KCNK9: variants seen among roughly 807,000 people sequenced by gnomAD.
KCNK9 encodes the protein potassium two pore domain channel subfamily K member 9, also known as potassium channel subfamily K member 9.
KCNK9 carries 1 observed loss-of-function variant against 10.8 expected under a neutral mutation model. That is an observed-to-expected ratio of 0.09 (90% CI 0.03 to 0.44). The LOEUF is 0.44. KCNK9 is among the 20% of genes least tolerant of loss of function. The probability of loss-of-function intolerance (pLI) is 0.97; values close to 1 mark genes in which losing one functional copy is unlikely to be tolerated. For missense variants in KCNK9, 303 were observed against 515.0 expected (o/e 0.59, Z 3.98); for synonymous variants, 231 against 222.7 (o/e 1.04, Z -0.33).
intron 1 of KCNK9, among the ~76,000 whole-genome samples, chr8:139,640,792 G>A (rs955075860): frequency 2.6e-5 from 4 of 152,202 alleles, no homozygotes; most frequent in South Asian, 2.1e-4. Context: ...AGCATTTCTT[G>A]TTGCTGCGTC....
chr8:139,685,589 A>G (rs938181674), intron 1 of KCNK9, among the ~76,000 whole-genome samples: 4 of 152,198 alleles, frequency 2.6e-5, no homozygotes, highest in Non-Finnish European at 5.9e-5. Context: ...ATCTTCATCC[A>G]TGTCCCTGCA....
intron 1 of KCNK9, among the ~76,000 whole-genome samples, chr8:139,621,198 G>A (rs979487802): frequency 4.0e-4 from 61 of 152,026 alleles, no homozygotes; most frequent in African/African-American, 1.5e-3. Context: ...GGCTGAGGCA[G>A]GAGAATCACT....
chr8:139,654,104 T>C (rs944187143), intron 1 of KCNK9, among the ~76,000 whole-genome samples: 10 of 152,204 alleles, frequency 6.6e-5, no homozygotes, highest in Admixed American at 3.9e-4. Context: ...GCTTTCCAGT[T>C]AGGAAAAGGA....
chr8:139,649,518 C>T (rs992371836), intron 1 of KCNK9, among the ~76,000 whole-genome samples: 31 of 152,312 alleles, frequency 2.0e-4, no homozygotes, highest in Middle Eastern at 3.4e-3. Flanking sequence ...CTACTGTGGA[C>T]CTTACCACCC....
intron 1 of KCNK9, among the ~76,000 whole-genome samples, chr8:139,690,101 G>C (rs1816906600): frequency 6.6e-6 from 1 of 152,178 alleles, no homozygotes; most frequent in Non-Finnish European, 1.5e-5. Flanking sequence ...TGGATGATTT[G>C]TTACATACAC....
chr8:139,694,494 A>C (rs1474861831), intron 1 of KCNK9, among the ~76,000 whole-genome samples: 1 of 152,224 alleles, frequency 6.6e-6, no homozygotes, highest in Non-Finnish European at 1.5e-5. Flanking sequence ...GGGCACTGGC[A>C]TCCCAGGTCT....
intron 1 of KCNK9, among the ~76,000 whole-genome samples, chr8:139,632,351 G>A (rs1429554709): frequency 5.3e-5 from 8 of 152,310 alleles, no homozygotes; most frequent in East Asian, 3.9e-4. Flanking sequence ...CACTGATGAC[G>A]GAGTCAGCCC....
At chr8:139,622,016 T>G (rs1814798803) in intron 1 of KCNK9, among the ~76,000 whole-genome samples, 1 of 152,218 alleles carries the variant, frequency 6.6e-6, no homozygotes, top group Non-Finnish European at 1.5e-5. Context: ...ATAAGCAGTT[T>G]GCCTTCACGG....
intron 1 of KCNK9, among the ~76,000 whole-genome samples, chr8:139,686,298 A>C (rs559415494): frequency 6.6e-6 from 1 of 152,354 alleles, no homozygotes; most frequent in Admixed American, 6.5e-5. Flanking sequence ...CTGCACAGTA[A>C]AAGAAACTAT....
At chr8:139,679,459 G>C (rs1816636632) in intron 1 of KCNK9, among the ~76,000 whole-genome samples, 1 of 152,240 alleles carries the variant, frequency 6.6e-6, no homozygotes, top group African/African-American at 2.4e-5. Context: ...ACCCAGACTG[G>C]TCAGATTTTT....
At chr8:139,687,467 TTC>T (rs1816825761) in intron 1 of KCNK9, among the ~76,000 whole-genome samples, 6 of 79,022 alleles carry the variant, frequency 7.6e-5, no homozygotes, top group African/African-American at 1.4e-4. Context: ...TATTCATATA[TTC>T]ATATATATGT....
In KCNK9 at chr8:139,618,893, A is replaced by G; in HGVS notation, c.490T>C (p.Phe164Leu). 3 of 1,614,188 alleles carry G rather than the reference A, an allele frequency of 1.9e-6. No homozygotes were observed. The highest frequency in any genetic ancestry group is 1.1e-5 in the South Asian group (1 of 91,084). Reference protein sequence around the residue: ...VSMENMVTVGFFSCMGTLCIG... With the variant: ...VSMENMVTVGLFSCMGTLCIG... Reference sequence around the variant, plus strand: ...CACAGCGTCCCCATGCAGGAGAAGAAGCCCACAGTCACCATGTTCTCCATA... The same window carrying G: ...CACAGCGTCCCCATGCAGGAGAAGAGGCCCACAGTCACCATGTTCTCCATA... The change falls in exon 2 of 2, where the codon TTC (phenylalanine) becomes CTC (leucine). Residue 164 changes from phenylalanine (F) to leucine (L), a missense_variant. By Grantham distance (22) the Phe-to-Leu change is conservative (BLOSUM62 0). This residue lies in a region of KCNK9 where 53 missense variants were observed against 134.9 expected (regional missense o/e 0.39). Coordinates refer to ENST00000520439, the MANE Select transcript of KCNK9 (RefSeq NM_001282534.2). This position sits in a 1 kb window ranked among gnomAD's most constrained non-coding sequence, Gnocchi z 7.9.
chr8:139,674,046 C>A (rs1294212693), intron 1 of KCNK9, among the ~76,000 whole-genome samples: 1 of 152,198 alleles, frequency 6.6e-6, no homozygotes, highest in Non-Finnish European at 1.5e-5. Flanking sequence ...GCGACAGGAA[C>A]CCCAGGCTTG....
In KCNK9 at chr8:139,618,127, A is replaced by G. The variant is rs1042088009; in HGVS notation, c.*131T>C. ...GGAAAATGAGACCAAGAGACCAAGA[A>G]AGGAGGAAGGAGAGAAAGTAATAAT... On this transcript the variant is annotated 3_prime_UTR_variant, in exon 2 of 2. Transcript: ENST00000520439. This position sits in a 1 kb window ranked among gnomAD's most constrained non-coding sequence, Gnocchi z 7.9. 22 of 1,303,436 alleles carry G rather than the reference A, an allele frequency of 1.7e-5. No homozygotes were observed. The highest frequency in any genetic ancestry group is 2.3e-5 in the Non-Finnish European group (22 of 938,580). 80.7% of individuals were successfully genotyped at this position (1,303,436 alleles called of 1,614,324 possible). A position where few individuals can be genotyped will look rare whatever the true frequency, so the allele number is the denominator to read the frequency against.
chr8:139,662,418 T>C (rs540472417), intron 1 of KCNK9, among the ~76,000 whole-genome samples: 1 of 152,262 alleles, frequency 6.6e-6, no homozygotes, highest in South Asian at 2.1e-4. Flanking sequence ...GAGTTCTTTA[T>C]GCTGAGCTGT....
intron 1 of KCNK9, among the ~76,000 whole-genome samples, chr8:139,628,123 G>A (rs1017964964): frequency 5.3e-5 from 8 of 152,240 alleles, no homozygotes; most frequent in African/African-American, 1.4e-4. Context: ...AAGGAAGAGC[G>A]AGAACAGAAG....
chr8:139,683,694 G>A (rs2129771389), intron 1 of KCNK9, among the ~76,000 whole-genome samples: 1 of 152,376 alleles, frequency 6.6e-6, no homozygotes. Flanking sequence ...CCCTGTCACA[G>A]GAGGTATGTG....
intron 1 of KCNK9, among the ~76,000 whole-genome samples, chr8:139,630,730 AAG>A (rs1382674540): frequency 6.6e-6 from 1 of 152,208 alleles, no homozygotes; most frequent in Non-Finnish European, 1.5e-5. Context: ...AGGGCCACAC[AAG>A]CGCACTGCAC....
intron 1 of KCNK9, among the ~76,000 whole-genome samples, chr8:139,692,063 G>T (rs1003537822): frequency 1.3e-5 from 2 of 152,188 alleles, no homozygotes; most frequent in Admixed American, 6.5e-5. Context: ...GGATGTTGGA[G>T]GTGGAGCAGC....
Sources: allele counts gnomAD v4.1 joint callset (sites outside exome capture counted in the v4.1 genomes callset), GRCh38; gene constraint gnomAD v4.1.1; regional missense constraint gnomAD v4.1.1; non-coding constraint Gnocchi (gnomAD v3.1); transcripts MANE v1.5; gene names NCBI Gene and HGNC (gene_info 2026-07-23, HGNC 2026-07-21).